The following SNX9 variants were observed in gnomAD, a reference collection of about 807,000 sequenced individuals.
The protein encoded by SNX9 is sorting nexin 9, also known as sorting nexin-9.
In SNX9, 44 loss-of-function variants were observed where a neutral mutation model predicts 89.4. The observed-to-expected ratio is 0.49, with a 90% CI of 0.39 to 0.63. The LOEUF is 0.63. Ranked by LOEUF, SNX9 falls within the 30% of genes least tolerant of loss-of-function variation. The pLI is 0.00. For synonymous variants in SNX9, 236 were observed against 247.8 expected (o/e 0.95, Z 0.45); for missense variants, 578 against 736.1 (o/e 0.79, Z 2.49).
chr6:157,906,176 A>G lies in SNX9; in HGVS notation c.669A>G (p.Lys223=). The change falls in exon 7 of 18, where the codon AAA becomes AAG. Residue 223 remains lysine (K), a synonymous_variant. Coordinates refer to ENST00000392185, the MANE Select transcript of SNX9 (RefSeq NM_016224.5). ...KPGTEQYLLA[K]QLAKPKEKIP... ...GCACGGAACAGTATTTGTTGGCCAA[A>G]CAACTAGCAAAACCCAAAGAGAAAA... The G allele has an allele frequency of 6.3e-7, 1 of 1,592,390 alleles. No individual in the cohort carries two copies.
chr6:157,826,743 A>G (rs1781352120), intron 1 of SNX9, among the ~76,000 whole-genome samples: 1 of 130,758 alleles, frequency 7.6e-6, no homozygotes, highest in African/African-American at 3.3e-5. Context: ...TAACCTATTT[A>G]TATTATAGGT....
intron 4 of SNX9, among the ~76,000 whole-genome samples, chr6:157,877,483 C>A (rs1782543308): frequency 6.6e-6 from 1 of 152,082 alleles, no homozygotes; most frequent in South Asian, 2.1e-4. Context: ...TTTAAGTAGG[C>A]CAAAATTTGG....
chr6:157,944,837 A>G lies in SNX9; in HGVS notation c.*1999A>G, dbSNP rs17565261. 6.6e-6 allele frequency: 1 copy of G among 152,266 alleles called. No individual in the cohort carries two copies. The highest frequency in any genetic ancestry group is 1.5e-5 in the Non-Finnish European group (1 of 68,040). 9.4% of individuals were successfully genotyped at this position (152,266 alleles called of 1,614,324 possible). A position where few individuals can be genotyped will look rare whatever the true frequency, so the allele number is the denominator to read the frequency against. ...TGGCACGGGCTCCTCAGAGCGTGGT[A>G]GCCGACTGTGAGGAAAAGCAGAGGG... is the stretch of plus-strand genomic sequence containing the variant. On this transcript the variant is annotated 3_prime_UTR_variant, in exon 18 of 18. Transcript: ENST00000392185.
chr6:157,827,585 A>G (rs1378117407), intron 1 of SNX9, among the ~76,000 whole-genome samples: 1 of 138,040 alleles, frequency 7.2e-6, no homozygotes, highest in Non-Finnish European at 1.5e-5. Flanking sequence ...ATATTATATT[A>G]TAGTTTATAT....
chr6:157,859,239 C>T (rs1782071439), intron 1 of SNX9, among the ~76,000 whole-genome samples: 1 of 152,156 alleles, frequency 6.6e-6, no homozygotes, highest in Non-Finnish European at 1.5e-5. Context: ...TGAGTTTCTT[C>T]TCCCATGTTT....
intron 4 of SNX9, among the ~76,000 whole-genome samples, chr6:157,884,808 T>C (rs1246306895): frequency 6.6e-6 from 1 of 152,214 alleles, no homozygotes; most frequent in East Asian, 1.9e-4. Flanking sequence ...AAGTTTGTTA[T>C]ATAGGGTGGT....
chr6:157,840,428 C>T (rs1781678558), intron 1 of SNX9, among the ~76,000 whole-genome samples: 1 of 144,002 alleles, frequency 6.9e-6, no homozygotes, highest in East Asian at 2.1e-4. Context: ...TCTTTTCTTT[C>T]TTTTCTTTCC....
Position 157,938,752 on chromosome 6 carries a change from G to A in SNX9, c.1648+5G>A. On this transcript the variant is annotated splice_donor_5th_base_variant and intron_variant, in intron 16 of 17. Transcript: ENST00000392185. ...TCATGTCTTACGCGTTGCAAGGTAA[G>A]ATGAAAGGGTCCTTATGAGGTGCTG... 1 of 1,608,946 alleles carries A rather than the reference G, an allele frequency of 6.2e-7. No homozygotes were observed. The highest frequency in any genetic ancestry group is 8.5e-7 in the Non-Finnish European group (1 of 1,176,328).
In SNX9 at chr6:157,867,575, A is replaced by T. The variant is rs771054109; in HGVS notation, c.41A>T (p.Glu14Val). 1.2e-6 allele frequency: 2 copies of T among 1,612,890 alleles called. No homozygotes were observed. Among genetic ancestry groups the T allele is most frequent in the South Asian group, 1.1e-5 (1 of 90,900 alleles). Residue 14 changes from glutamate to valine, a missense_variant, in exon 2 of 18, where the codon GAA becomes GTA. Around this residue, in one of 2 missense-constraint regions of SNX9, gnomAD observed 230 missense variants for 244.7 expected, o/e 0.94. Coordinates refer to ENST00000392185, the MANE Select transcript of SNX9 (RefSeq NM_016224.5). Reference sequence around the variant, plus strand: ...CGGGTTATGTATGATTTTGCTGCTGAACCTGGAAATAATGAACTGACGGTT... The same window carrying T: ...CGGGTTATGTATGATTTTGCTGCTGTACCTGGAAATAATGAACTGACGGTT... ...KARVMYDFAA[E>V]PGNNELTVNE...
intron 4 of SNX9, among the ~76,000 whole-genome samples, chr6:157,887,288 T>C (rs1036307899): frequency 1.3e-5 from 2 of 152,178 alleles, no homozygotes; most frequent in Non-Finnish European, 2.9e-5. Flanking sequence ...GCCCCGTGAA[T>C]CATGAAGTTT....
chr6:157,926,975 A>G, intron 10 of SNX9, 136 bp from the exon 11 acceptor site: 1 of 640,518 alleles, frequency 1.6e-6, no homozygotes, highest in Non-Finnish European at 2.8e-6. Flanking sequence ...TCCATGGTGC[A>G]GAGGGAGATA....
intron 7 of SNX9, among the ~76,000 whole-genome samples, chr6:157,906,468 T>C (rs1409080802): frequency 2.0e-5 from 3 of 152,242 alleles, no homozygotes; most frequent in Admixed American, 2.0e-4. Context: ...ATCATTTTTT[T>C]CTAAAGTGTC....
chr6:157,878,921 CT>C (rs1311632628), intron 4 of SNX9, among the ~76,000 whole-genome samples: 1 of 139,576 alleles, frequency 7.2e-6, no homozygotes, highest in African/African-American at 2.9e-5. Flanking sequence ...ACAGGCTGTC[CT>C]TTGGTGGGGG....
intron 11 of SNX9, among the ~76,000 whole-genome samples, chr6:157,927,828 G>A (rs772219085): frequency 4.3e-5 from 6 of 140,648 alleles, no homozygotes; most frequent in East Asian, 2.2e-4. Flanking sequence ...CCAGGTTCAC[G>A]CCATTCTCCT....
chr6:157,896,195 T>C (rs1024642057), intron 4 of SNX9, among the ~76,000 whole-genome samples: 11 of 152,236 alleles, frequency 7.2e-5, no homozygotes, highest in African/African-American at 2.7e-4. Flanking sequence ...TTGACAGTAG[T>C]AGTTCCTTAG....
At chr6:157,839,373 A>G (rs1781648817) in intron 1 of SNX9, among the ~76,000 whole-genome samples, 1 of 152,226 alleles carries the variant, frequency 6.6e-6, no homozygotes, top group Admixed American at 6.5e-5. Flanking sequence ...GCAATGAATG[A>G]ATAAAATTAG....
At chr6:157,889,703 A>G (rs1287888326) in intron 4 of SNX9, among the ~76,000 whole-genome samples, 1 of 152,228 alleles carries the variant, frequency 6.6e-6, no homozygotes, top group Non-Finnish European at 1.5e-5. Context: ...TCTTCAATTA[A>G]AAGTCTCTAT....
intron 9 of SNX9, among the ~76,000 whole-genome samples, chr6:157,915,702 G>C (rs915334438): frequency 6.9e-6 from 1 of 145,922 alleles, no homozygotes; most frequent in African/African-American, 2.5e-5. Context: ...GCACACACCT[G>C]TAGTCCCAGC....
chr6:157,862,205 C>A (rs958118824), intron 1 of SNX9, among the ~76,000 whole-genome samples: 1 of 152,198 alleles, frequency 6.6e-6, no homozygotes, highest in Non-Finnish European at 1.5e-5. Context: ...TTTATGCCTT[C>A]ACCATTTAGA....
Sources: gnomAD v4.1 joint callset for allele counts (sites outside exome capture counted in the v4.1 genomes callset) on GRCh38, gnomAD v4.1.1 for gene constraint, gnomAD v4.1.1 regional missense constraint, MANE v1.5 for transcripts, NCBI Gene and HGNC (gene_info 2026-07-23, HGNC 2026-07-21) for gene names.